Variants in DST observed in about 807,000 individuals in gnomAD.
The protein encoded by DST is dystonin.
Under a neutral mutation model 875.2 loss-of-function variants are expected in DST, and 253 were observed. The observed-to-expected ratio is 0.29, with a 90% CI of 0.26 to 0.32. The LOEUF (loss-of-function observed/expected upper bound fraction) is 0.32. DST is among the 10% of genes least tolerant of loss of function. The probability of loss-of-function intolerance (pLI) is 1.00; values close to 1 mark genes in which losing one functional copy is unlikely to be tolerated. For synonymous variants in DST, 3,124 were observed against 3,197.1 expected, an observed-to-expected ratio of 0.98 and a Z score of 0.77; for missense variants, 8,287 against 9,111.6, an observed-to-expected ratio of 0.91 and a Z score of 3.68.
In DST at chr6:56,640,255, A is replaced by T; in HGVS notation, c.2378T>A (p.Met793Lys). 2 of 1,614,194 alleles carry T rather than the reference A, an allele frequency of 1.2e-6. No homozygotes were observed. The highest frequency in any genetic ancestry group is 1.7e-6 in the Non-Finnish European group (2 of 1,180,016). Residue 793 changes from methionine (M) to lysine (K), a missense_variant, in exon 18 of 104, where the codon ATG (methionine) becomes AAG (lysine). Transcript: ENST00000680361. ...EPNSLQTLKL[M>K]QIRKPLLKSS... ...CTTTAGAAGGGGTTTTCGGATCTGC[A>T]TCAACTTCAAAGTTTGCAATGAATT...
At chr6:56,797,856 T>C (rs1177084916) in intron 4 of DST, among the ~76,000 whole-genome samples, 1 of 147,442 alleles carries the variant, frequency 6.8e-6, no homozygotes, top group Admixed American at 6.8e-5. Context: ...AGTGAATACA[T>C]GAATGATAAG....
chr6:56,487,006 A>C, intron 87 of DST, 98 bp downstream of exon 87: 1 of 1,185,322 alleles, frequency 8.4e-7, no homozygotes, highest in Non-Finnish European at 1.2e-6. Context: ...CAGGCAAAGG[A>C]AATATTTAAG....
intron 57 of DST, among the ~76,000 whole-genome samples, chr6:56,560,986 C>A (rs2097529031): frequency 6.6e-6 from 1 of 152,046 alleles, no homozygotes; most frequent in African/African-American, 2.4e-5. Flanking sequence ...AGAACAGATC[C>A]TTCATACATT....
Position 56,608,697 on chromosome 6 carries a change from GAGAC to G in DST, c.5927_5930del (p.Gly1976AlafsTer2). ...ACCTAAACATGGTTTCACGGTCTAT[GAGAC>G]CTTCATGAGCTGCTCTTAAAATGCT... On this transcript the variant is annotated frameshift_variant, in exon 40 of 104. Coordinates refer to ENST00000680361, the MANE Select transcript of DST (RefSeq NM_001374736.1). LOFTEE classifies it high-confidence loss of function. The G allele has an allele frequency of 6.2e-7, 1 of 1,612,676 alleles. No homozygotes were observed. Among genetic ancestry groups the G allele is most frequent in the Non-Finnish European group, 8.5e-7 (1 of 1,179,350 alleles).
rs1344468023 is a variant in DST at position 56,511,241 on chromosome 6, T to C, written c.18736A>G (p.Lys6246Glu). 2.5e-6 allele frequency: 4 copies of C among 1,594,224 alleles called. No individual in the cohort carries two copies. Among genetic ancestry groups the C allele is most frequent in the Admixed American group, 3.5e-5 (2 of 57,252 alleles). The change falls in exon 73 of 104, where the codon AAG becomes GAG. Residue 6246 changes from lysine (K) to glutamate (E), a missense_variant. By Grantham distance (56) the Lys-to-Glu change is moderately conservative. This residue lies in a region of DST where 1,292 missense variants were observed against 1,552.7 expected (regional missense o/e 0.83). Transcript: ENST00000680361. Reference protein sequence around the residue: ...LYSQIKEDVKKRAVALDEAIS... With the variant: ...LYSQIKEDVKERAVALDEAIS... The stretch of plus-strand genomic sequence containing the variant: ...GCTTCATCCAGTGCCACAGCACGCT[T>C]TTTGACATCTTCTTTAATTTGACTG...
At chr6:56,590,603 G>A (rs1585887091) in intron 49 of DST, among the ~76,000 whole-genome samples, 1 of 152,122 alleles carries the variant, frequency 6.6e-6, no homozygotes, top group South Asian at 2.1e-4. Flanking sequence ...TCTTGTACCT[G>A]TGGAAAGGAG....
In DST at chr6:56,573,830, T is replaced by C; in HGVS notation, c.13085A>G (p.Lys4362Arg). The part of the protein sequence containing the change: ...LSKSVNERNE[K>R]LQITLTRSLS... The stretch of plus-strand genomic sequence containing the variant: ...TGAACGGGTCAAGGTTATCTGGAGT[T>C]TTTCATTTCGTTCATTAACAGACTT... The change falls in exon 51 of 104, where the codon AAA becomes AGA. Residue 4362 changes from lysine (K) to arginine (R), a missense_variant. Physicochemically the swap from Lys to Arg is conservative, Grantham distance 26. Coordinates refer to ENST00000680361, the MANE Select transcript of DST (RefSeq NM_001374736.1). The C allele has an allele frequency of 6.2e-7, 1 of 1,613,444 alleles. No individual in the cohort carries two copies. Among genetic ancestry groups the C allele is most frequent in the Middle Eastern group, 1.6e-4 (1 of 6,062 alleles).
At chr6:56,771,794 C>G (rs1172946207) in intron 4 of DST, among the ~76,000 whole-genome samples, 1 of 152,178 alleles carries the variant, frequency 6.6e-6, no homozygotes, top group Non-Finnish European at 1.5e-5. Context: ...GACTTTTCTT[C>G]TAAATGCACA....
intron 4 of DST, among the ~76,000 whole-genome samples, chr6:56,828,061 A>G (rs2099782886): frequency 6.6e-6 from 1 of 152,188 alleles, no homozygotes; most frequent in East Asian, 1.9e-4. Flanking sequence ...ATGTAGCATC[A>G]CATTCTCCTT....
At chr6:56,574,737 T>C (rs1401664033) in intron 50 of DST, among the ~76,000 whole-genome samples, 1 of 152,178 alleles carries the variant, frequency 6.6e-6, no homozygotes, top group African/African-American at 2.4e-5. Context: ...AATGAAAAGT[T>C]TGAACAATGG....
intron 43 of DST, among the ~76,000 whole-genome samples, chr6:56,602,199 A>AG (rs1462263563): frequency 1.3e-5 from 2 of 151,596 alleles, no homozygotes; most frequent in East Asian, 3.9e-4. Flanking sequence ...AAAAAAAAAA[A>AG]GTATGCCAAA....
intron 3 of DST, among the ~76,000 whole-genome samples, chr6:56,888,234 C>G (rs1320229903): frequency 6.6e-6 from 1 of 152,088 alleles, no homozygotes; most frequent in Non-Finnish European, 1.5e-5. Context: ...AGACGTGAAC[C>G]ACCACACCTG....
chr6:56,745,078 C>G lies in DST; in HGVS notation c.626-9789G>C, dbSNP rs374235243. ...TTAGCCACAGTCCACTCCCCAGCCA[C>G]TCGCCCCTCCACCCTACTTTTGTTA... On this transcript the variant is annotated intron_variant, in intron 4 of 103. Coordinates refer to ENST00000680361, the MANE Select transcript of DST (RefSeq NM_001374736.1). Among the ~76,000 whole-genome samples, 3 of 152,266 alleles carry G rather than the reference C, an allele frequency of 2.0e-5. No individual in the cohort carries two copies. In the South Asian group the frequency reaches 6.2e-4, roughly 32 times the overall value.
chr6:56,699,627 C>T (rs1396804727), intron 9 of DST, 26 bp downstream of exon 9: 3 of 1,257,138 alleles, frequency 2.4e-6, no homozygotes, highest in Non-Finnish European at 2.2e-6. Flanking sequence ...CAATTAGATG[C>T]TGAAATTAAG....
intron 80 of DST, among the ~76,000 whole-genome samples, chr6:56,498,914 A>G (rs960004504): frequency 2.0e-5 from 3 of 152,202 alleles, no homozygotes; most frequent in African/African-American, 7.2e-5. Context: ...TACAGAACCC[A>G]GCAAATAATG....
intron 69 of DST, 79 bp downstream of exon 69, chr6:56,526,282 A>G: frequency 1.4e-6 from 2 of 1,386,508 alleles, no homozygotes; most frequent in Non-Finnish European, 2.0e-6. Flanking sequence ...CAGTATTAAC[A>G]GTCATCTTTG....
chr6:56,566,975 A>AAATTT (rs1191273250), intron 55 of DST, among the ~76,000 whole-genome samples: 1 of 152,186 alleles, frequency 6.6e-6, no homozygotes, highest in Non-Finnish European at 1.5e-5. Context: ...TAACTTACCT[A>AAATTT]AATTTAAGCC....
intron 84 of DST, 84 bp from the exon 85 acceptor site, chr6:56,492,517 A>G: frequency 7.4e-7 from 1 of 1,353,726 alleles, no homozygotes; most frequent in South Asian, 1.3e-5. Context: ...TAAACCTGAA[A>G]TTATTTTAAA....
rs183617359 is a variant in DST, at chr6:56,588,816, G to A, written c.12903+3366C>T. ...TATGTCAAAAGGCCCACCAAACCACGACCAACATAGGATCTAGAATACCAC... is the reference window on the plus strand; with the variant it reads ...TATGTCAAAAGGCCCACCAAACCACAACCAACATAGGATCTAGAATACCAC... On this transcript the variant is annotated intron_variant, in intron 49 of 103. Transcript: ENST00000680361. 5.9e-5 allele frequency among the ~76,000 whole-genome samples: 9 copies of A among 152,130 alleles called. No individual in the cohort carries two copies. The East Asian group carries it at 1.5e-3, about 26-fold the overall frequency.
Sources: gnomAD v4.1 joint callset for allele counts (sites outside exome capture counted in the v4.1 genomes callset) on GRCh38, gnomAD v4.1.1 for gene constraint, gnomAD v4.1.1 regional missense constraint, MANE v1.5 for transcripts, NCBI Gene and HGNC (gene_info 2026-07-23, HGNC 2026-07-21) for gene names.